JARID2: variants seen among roughly 807,000 people sequenced by gnomAD.
JARID2 encodes the protein protein Jumonji.
Under a neutral mutation model 125.6 loss-of-function variants are expected in JARID2, and 21 were observed. The ratio of observed to expected loss-of-function variants is 0.17; its 90% CI spans 0.12 to 0.24. The LOEUF is 0.24. Ranked by LOEUF, JARID2 falls within the 10% of genes least tolerant of loss-of-function variation. The probability of loss-of-function intolerance (pLI) is 1.00; values close to 1 mark genes in which losing one functional copy is unlikely to be tolerated. For missense variants in JARID2, 1,303 were observed against 1,639.6 expected (o/e 0.79, Z 3.55); for synonymous variants, 736 against 661.6 (o/e 1.11, Z -1.73).
intron 1 of JARID2, among the ~76,000 whole-genome samples, chr6:15,336,235 G>A (rs1399713848): frequency 6.6e-6 from 1 of 152,270 alleles, no homozygotes; most frequent in African/African-American, 2.4e-5. Context: ...TGGGGAATCT[G>A]AGGGAGGGAA....
At chr6:15,362,855 A>C (rs780447819) in intron 1 of JARID2, among the ~76,000 whole-genome samples, 1 of 152,230 alleles carries the variant, frequency 6.6e-6, no homozygotes, top group Non-Finnish European at 1.5e-5. Flanking sequence ...TAGGTATCCA[A>C]GGAATTGAGA....
chr6:15,247,703 ATATT>A (rs1241561691), intron 1 of JARID2: 15 of 985,278 alleles, frequency 1.5e-5, no homozygotes, highest in Middle Eastern at 5.2e-4. Context: ...GTAAAAAAAT[ATATT>A]TAATGGAAAA....
chr6:15,313,225 GAAAC>G (rs947127185), intron 1 of JARID2, among the ~76,000 whole-genome samples: 4 of 152,134 alleles, frequency 2.6e-5, no homozygotes, highest in Non-Finnish European at 5.9e-5. Context: ...GCACCCCAAG[GAAAC>G]AGGAAAAATC....
intron 1 of JARID2, among the ~76,000 whole-genome samples, chr6:15,250,406 G>A (rs1325403617): frequency 1.3e-5 from 2 of 152,098 alleles, no homozygotes; most frequent in African/African-American, 4.8e-5. Context: ...AAATTTGCAC[G>A]TTATTTTATT....
intron 1 of JARID2, among the ~76,000 whole-genome samples, chr6:15,326,117 G>T (rs1762525147): frequency 6.6e-6 from 1 of 152,128 alleles, no homozygotes; most frequent in South Asian, 2.1e-4. Context: ...CTGAAAATAT[G>T]CAGTACACTT....
At chr6:15,485,254 C>G (rs1268186863) in intron 5 of JARID2, among the ~76,000 whole-genome samples, 1 of 152,190 alleles carries the variant, frequency 6.6e-6, no homozygotes, top group Non-Finnish European at 1.5e-5. Context: ...TAAAGGCTCA[C>G]AACCGATAAT....
At chr6:15,516,563 C>T (rs778642510) in intron 16 of JARID2, among the ~76,000 whole-genome samples, 7 of 152,304 alleles carry the variant, frequency 4.6e-5, no homozygotes, top group African/African-American at 7.2e-5. Context: ...GGCGTCACAG[C>T]GGTCAGGAAT....
intron 3 of JARID2, among the ~76,000 whole-genome samples, chr6:15,423,355 T>C (rs948922902): frequency 6.6e-6 from 1 of 152,048 alleles, no homozygotes; most frequent in Non-Finnish European, 1.5e-5. Context: ...TTTTTTGAGG[T>C]TGGGGACAGG....
intron 5 of JARID2, among the ~76,000 whole-genome samples, chr6:15,478,460 A>G (rs1006336917): frequency 6.6e-6 from 1 of 151,794 alleles, no homozygotes; most frequent in Non-Finnish European, 1.5e-5. Flanking sequence ...TACTTTGAAA[A>G]TGACCAAGTT....
At chr6:15,415,439 G>C (rs1316090231) in intron 3 of JARID2, among the ~76,000 whole-genome samples, 4 of 148,576 alleles carry the variant, frequency 2.7e-5, no homozygotes, top group Non-Finnish European at 6.0e-5. Flanking sequence ...TGGCCGGGCG[G>C]GGGGCTGACA....
At chr6:15,248,958 C>A (rs1254830823) in intron 1 of JARID2, 1 of 985,522 alleles carries the variant, frequency 1.0e-6, no homozygotes, top group Non-Finnish European at 1.2e-6. Flanking sequence ...GTCGCGCTTC[C>A]CACCAGGTGA....
At chr6:15,408,243 C>A (rs1412700004) in intron 2 of JARID2, among the ~76,000 whole-genome samples, 1 of 152,158 alleles carries the variant, frequency 6.6e-6, no homozygotes, top group Non-Finnish European at 1.5e-5. Flanking sequence ...CAGAGCGAGA[C>A]CCTATCTCAA....
Position 15,520,601 on chromosome 6 carries a change from A to AT in JARID2, c.*355dup. The AT allele has an allele frequency of 4.0e-6, 1 of 248,874 alleles. No homozygotes were observed. The highest frequency in any genetic ancestry group is 3.8e-5 in the South Asian group (1 of 25,984). 15.4% of individuals were successfully genotyped at this position (248,874 alleles called of 1,614,324 possible). ...TGGGGGGAAAAAGGCTTTTTAACCC[A>AT]TTTTTGAAGAGGGTGAAGTTTGGAG... is the stretch of plus-strand genomic sequence containing the variant. On this transcript the variant is annotated 3_prime_UTR_variant, in exon 18 of 18. Coordinates refer to ENST00000341776, the MANE Select transcript of JARID2 (RefSeq NM_004973.4).
chr6:15,301,195 A>C (rs1006066098), intron 1 of JARID2, among the ~76,000 whole-genome samples: 9 of 152,236 alleles, frequency 5.9e-5, no homozygotes, highest in Admixed American at 2.0e-4. Flanking sequence ...AAAATCTGCA[A>C]AATGGTAGGG....
At chr6:15,496,045 G>C (rs765206514) in intron 6 of JARID2, 87 bp from the exon 7 acceptor site, 2 of 1,079,732 alleles carry the variant, frequency 1.9e-6, no homozygotes, top group Non-Finnish European at 2.7e-6. Context: ...CCAGCATCCA[G>C]GGTCCTTTCT....
In JARID2 at chr6:15,326,978, C is replaced by G. The variant is rs1762552650; in HGVS notation, c.46-47139C>G. Among the ~76,000 whole-genome samples, 4 of 152,084 alleles carry G rather than the reference C, an allele frequency of 2.6e-5. No individual in the cohort carries two copies. In the South Asian group the frequency reaches 8.3e-4, roughly 32 times the overall value. Reference sequence around the variant, plus strand: ...CATGTTTGTTTTTAATCTCTCTGTCCCTTTAATTTGTTGTTCTTGAGGAAA... The same window carrying G: ...CATGTTTGTTTTTAATCTCTCTGTCGCTTTAATTTGTTGTTCTTGAGGAAA... On this transcript the variant is annotated intron_variant, in intron 1 of 17. Transcript: ENST00000341776.
At chr6:15,272,408 A>G (rs1241003197) in intron 1 of JARID2, among the ~76,000 whole-genome samples, 1 of 152,208 alleles carries the variant, frequency 6.6e-6, no homozygotes, top group Non-Finnish European at 1.5e-5. Context: ...GCTGGTTTCT[A>G]TCCTGAACTC....
chr6:15,400,214 G>C (rs530785039), intron 2 of JARID2, among the ~76,000 whole-genome samples: 70 of 152,146 alleles, frequency 4.6e-4, no homozygotes, highest in African/African-American at 1.4e-3. Flanking sequence ...GTGCCCCTCT[G>C]TTGTTGGTGG....
At chr6:15,424,596 G>T (rs976730371) in intron 3 of JARID2, among the ~76,000 whole-genome samples, 1 of 152,106 alleles carries the variant, frequency 6.6e-6, no homozygotes, top group African/African-American at 2.4e-5. Context: ...GGTGGCTCAC[G>T]CCTGTAATCC....
Sources: gnomAD v4.1 joint callset for allele counts (sites outside exome capture counted in the v4.1 genomes callset) on GRCh38, gnomAD v4.1.1 for gene constraint, MANE v1.5 for transcripts, NCBI Gene and HGNC (gene_info 2026-07-23, HGNC 2026-07-21) for gene names.